PRKCE: variants seen among roughly 807,000 people sequenced by gnomAD.
PRKCE encodes the protein protein kinase C epsilon.
A neutral mutation model predicts 85.4 loss-of-function variants in PRKCE; 16 were observed. The observed-to-expected ratio is 0.19, with a 90% CI of 0.13 to 0.28. The LOEUF (loss-of-function observed/expected upper bound fraction) is 0.28, where lower values mean the gene tolerates loss of function less well. Ranked by LOEUF, PRKCE falls within the 10% of genes least tolerant of loss-of-function variation. PRKCE has a pLI of 1.00. For missense variants in PRKCE, 573 were observed against 975.2 expected (o/e 0.59, Z 5.49); for synonymous variants, 388 against 371.5 (o/e 1.04, Z -0.51).
At chr2:45,743,668 T>C (rs1573161082) in intron 1 of PRKCE, among the ~76,000 whole-genome samples, 2 of 152,230 alleles carry the variant, frequency 1.3e-5, no homozygotes, top group Non-Finnish European at 2.9e-5. Context: ...CACATCCGTA[T>C]TGTGGGCGTG....
chr2:46,015,348 A>T (rs529989804), intron 10 of PRKCE, among the ~76,000 whole-genome samples: 1 of 152,248 alleles, frequency 6.6e-6, no homozygotes, highest in Admixed American at 6.5e-5. Flanking sequence ...ACCTGTCTTG[A>T]ATAATTTCAT....
At chr2:45,712,815 G>A (rs986104839) in intron 1 of PRKCE, among the ~76,000 whole-genome samples, 6 of 152,106 alleles carry the variant, frequency 3.9e-5, no homozygotes, top group Admixed American at 3.9e-4. Flanking sequence ...TTGTTTAGGA[G>A]ATGTTCAACT....
intron 2 of PRKCE, among the ~76,000 whole-genome samples, chr2:45,957,256 T>C (rs1701034975): frequency 6.6e-6 from 1 of 152,208 alleles, no homozygotes; most frequent in Non-Finnish European, 1.5e-5. Context: ...ATAGTTTAGG[T>C]TTTACGTTTT....
intron 1 of PRKCE, among the ~76,000 whole-genome samples, chr2:45,663,302 G>C (rs1302076416): frequency 6.6e-6 from 1 of 152,082 alleles, no homozygotes; most frequent in Non-Finnish European, 1.5e-5. Flanking sequence ...TTCTCAAGTG[G>C]GCCATTCGGA....
chr2:45,778,084 A>G (rs1685893747), intron 1 of PRKCE, among the ~76,000 whole-genome samples: 1 of 101,974 alleles, frequency 9.8e-6, no homozygotes, highest in Admixed American at 1.6e-4. Flanking sequence ...CATTTTCCTC[A>G]TTGGGAGCAT....
chr2:45,940,558 G>T (rs1011225042), intron 2 of PRKCE, among the ~76,000 whole-genome samples: 33 of 152,120 alleles, frequency 2.2e-4, no homozygotes, highest in Admixed American at 2.0e-4. Flanking sequence ...CACGTTAATT[G>T]GAGCAAGAAG....
intron 11 of PRKCE, among the ~76,000 whole-genome samples, chr2:46,119,774 C>T (rs1392711955): frequency 6.6e-6 from 1 of 152,202 alleles, no homozygotes; most frequent in African/African-American, 2.4e-5. Context: ...TAAAATGGAG[C>T]TTGTGAGGAA....
At position 46,185,821 on chromosome 2, in the gene PRKCE, C is replaced by G. The variant is rs545920686; in HGVS notation, c.*940C>G. 6.6e-6 allele frequency: 1 copy of G among 152,192 alleles called. No individual in the cohort carries two copies. Among genetic ancestry groups the G allele is most frequent in the Non-Finnish European group, 1.5e-5 (1 of 68,038 alleles). The allele number at this position is 152,192 out of a possible 1,614,324, so 9.4% of individuals were successfully genotyped here. On this transcript the variant is annotated 3_prime_UTR_variant, in exon 15 of 15. Coordinates refer to ENST00000306156, the MANE Select transcript of PRKCE (RefSeq NM_005400.3). This position sits in a 1 kb window ranked among gnomAD's most constrained non-coding sequence, Gnocchi z 4.7. The stretch of plus-strand genomic sequence containing the variant: ...AGGACCCTGGGGTTCCAACAAAGCT[C>G]AGCTCCCAGATTCTCTTTCCAGTTT...
intron 1 of PRKCE, chr2:45,675,772 A>T (rs911635128): frequency 2.6e-5 from 4 of 152,254 alleles, no homozygotes; most frequent in African/African-American, 9.7e-5. Context: ...GGCACTGCTC[A>T]GAATTCCCAG....
At position 46,151,060 on chromosome 2, in the gene PRKCE, A is replaced by G; in HGVS notation, c.1751A>G (p.Tyr584Cys). Residue 584 changes from tyrosine to cysteine, a missense_variant, in exon 13 of 15, where the codon TAT (tyrosine) becomes TGT (cysteine). Coordinates refer to ENST00000306156, the MANE Select transcript of PRKCE (RefSeq NM_005400.3). ...IAPEILQELE[Y>C]GPSVDWWALG... ...GAACAGATCCTGCAGGAGTTGGAGT[A>G]TGGCCCCTCCGTGGACTGGTGGGCC... 6.3e-7 allele frequency: 1 copy of G among 1,599,262 alleles called. No homozygotes were observed. The highest frequency in any genetic ancestry group is 2.2e-5 in the East Asian group (1 of 44,862).
At chr2:46,089,843 G>T (rs1469431386) in intron 11 of PRKCE, among the ~76,000 whole-genome samples, 1 of 152,048 alleles carries the variant, frequency 6.6e-6, no homozygotes, top group Non-Finnish European at 1.5e-5. Context: ...CACCCTTTAG[G>T]CACTCCAAAT....
intron 1 of PRKCE, among the ~76,000 whole-genome samples, chr2:45,694,983 T>A (rs1678024235): frequency 6.6e-6 from 1 of 152,146 alleles, no homozygotes; most frequent in South Asian, 2.1e-4. Context: ...CTCCTTCAGT[T>A]TGGCTATAAA....
chr2:45,724,361 A>T (rs1383015940), intron 1 of PRKCE, among the ~76,000 whole-genome samples: 1 of 152,096 alleles, frequency 6.6e-6, no homozygotes, highest in South Asian at 2.1e-4. Context: ...TGCTCCTCCA[A>T]CTAGCCATTT....
At chr2:45,958,306 G>A (rs1374512630) in intron 2 of PRKCE, among the ~76,000 whole-genome samples, 6 of 151,176 alleles carry the variant, frequency 4.0e-5, no homozygotes, top group African/African-American at 1.2e-4. Context: ...TCAGGGGTTC[G>A]AGACCAGCCT....
Position 45,655,846 on chromosome 2 carries a change from GAAAAAA to G in PRKCE, c.348+3418_348+3423del, listed in dbSNP as rs34853762. On this transcript the variant is annotated intron_variant, in intron 1 of 14. Coordinates refer to ENST00000306156, the MANE Select transcript of PRKCE (RefSeq NM_005400.3). Reference sequence around the variant, plus strand: ...GTGACAGAGTGATACCCTGTCTCTTGAAAAAAAAAAAAAAAAAAAAAAAAAGGTAGG... The same window carrying G: ...GTGACAGAGTGATACCCTGTCTCTTGAAAAAAAAAAAAAAAAAAAGGTAGG... Among the ~76,000 whole-genome samples, 4 of 66,258 alleles carry G rather than the reference GAAAAAA, an allele frequency of 6.0e-5. No individual in the cohort carries two copies. The East Asian group carries it at 1.9e-3, about 31-fold the overall frequency. The allele number at this position is 66,258 out of a possible 152,430, so 43.5% of individuals were successfully genotyped here. A position where few individuals can be genotyped will look rare whatever the true frequency, so the allele number is the denominator to read the frequency against.
intron 8 of PRKCE, among the ~76,000 whole-genome samples, chr2:46,005,189 C>G (rs1438965886): frequency 6.6e-6 from 1 of 152,184 alleles, no homozygotes; most frequent in African/African-American, 2.4e-5. Context: ...CAGTCCTAGG[C>G]CTGTTTCCCC....
rs1025765018 is a variant in PRKCE at position 46,145,870 on chromosome 2, T to A, written c.1731+639T>A. ...GTGACAGAGCAAGACCCTGTCTCAA[T>A]AAAAAAAAAAGTAAAAAATAAAATC... On this transcript the variant is annotated intron_variant, in intron 12 of 14. Coordinates refer to ENST00000306156, the MANE Select transcript of PRKCE (RefSeq NM_005400.3). The surrounding 1 kb of genome is among the most constrained non-coding windows in gnomAD (Gnocchi z 4.6). 1.4e-4 allele frequency among the ~76,000 whole-genome samples: 20 copies of A among 145,054 alleles called. No individual in the cohort carries two copies. The highest frequency in any genetic ancestry group is 7.6e-5 in the Non-Finnish European group (5 of 65,686).
chr2:45,769,744 G>C (rs1391885018), intron 1 of PRKCE, among the ~76,000 whole-genome samples: 1 of 152,096 alleles, frequency 6.6e-6, no homozygotes, highest in Non-Finnish European at 1.5e-5. Flanking sequence ...TGCTTCCTGG[G>C]GTCATACTTA....
chr2:45,762,285 G>A (rs764280677), intron 1 of PRKCE, among the ~76,000 whole-genome samples: 3 of 152,148 alleles, frequency 2.0e-5, no homozygotes, highest in African/African-American at 7.2e-5. Flanking sequence ...GTGTATCTGG[G>A]GATGTTGCCC....
Sources: allele counts gnomAD v4.1 joint callset (sites outside exome capture counted in the v4.1 genomes callset), GRCh38; gene constraint gnomAD v4.1.1; non-coding constraint Gnocchi (gnomAD v3.1); transcripts MANE v1.5; gene names NCBI Gene and HGNC (gene_info 2026-07-23, HGNC 2026-07-21).